Variants in ZBTB20 observed in about 807,000 individuals in gnomAD.
ZBTB20 encodes the protein zinc finger and BTB domain-containing protein 20.
Under a neutral mutation model 56.9 loss-of-function variants are expected in ZBTB20, and 9 were observed. The observed-to-expected ratio is 0.16, with a 90% CI of 0.10 to 0.28. The LOEUF (loss-of-function observed/expected upper bound fraction) is 0.28. ZBTB20 is among the 10% of genes least tolerant of loss of function. The pLI is 1.00. For synonymous variants in ZBTB20, 417 were observed against 420.7 expected (o/e 0.99, Z 0.11); for missense variants, 655 against 1,003.0 (o/e 0.65, Z 4.69).
At chr3:114,569,039 G>A (rs2053119871) in intron 6 of ZBTB20, among the ~76,000 whole-genome samples, 1 of 152,134 alleles carries the variant, frequency 6.6e-6, no homozygotes, top group Non-Finnish European at 1.5e-5. Flanking sequence ...AGTTATAACA[G>A]GTATTTGTTC....
chr3:114,580,597 G>T (rs1049239219), intron 6 of ZBTB20, among the ~76,000 whole-genome samples: 1 of 151,698 alleles, frequency 6.6e-6, no homozygotes, highest in Admixed American at 6.6e-5. Flanking sequence ...AAACTTAAGA[G>T]AATTTACCAG....
intron 5 of ZBTB20, among the ~76,000 whole-genome samples, chr3:114,696,118 T>C (rs2062996121): frequency 6.6e-6 from 1 of 152,102 alleles, no homozygotes; most frequent in Admixed American, 6.6e-5. Context: ...GATCACCCAG[T>C]TGTTAAAACA....
chr3:114,701,285 T>C (rs929873401), intron 5 of ZBTB20, among the ~76,000 whole-genome samples: 8 of 152,230 alleles, frequency 5.3e-5, no homozygotes, highest in Admixed American at 1.3e-4. Flanking sequence ...GAATTTCTGA[T>C]GGTTTCCTTA....
At chr3:115,009,866 G>C (rs569614782) in intron 2 of ZBTB20, among the ~76,000 whole-genome samples, 1 of 151,820 alleles carries the variant, frequency 6.6e-6, no homozygotes, top group Admixed American at 6.6e-5. Flanking sequence ...TCACAGCCTC[G>C]AGAACAGTGA....
At position 114,322,341 on chromosome 3, in the gene ZBTB20, G is replaced by A. The variant is rs547376072; in HGVS notation, c.*16664C>T. 5 of 152,268 alleles carry A rather than the reference G, an allele frequency of 3.3e-5. No homozygotes were observed. The East Asian group carries it at 9.6e-4, about 29-fold the overall frequency. 9.4% of individuals were successfully genotyped at this position (152,268 alleles called of 1,614,324 possible). A position where few individuals can be genotyped will look rare whatever the true frequency, so the allele number is the denominator to read the frequency against. ...AATCCAAAGTCATAAAGATAGTTCAGTACGTCCTCTGATGACAAGGTCTCC... is the reference window on the plus strand; with the variant it reads ...AATCCAAAGTCATAAAGATAGTTCAATACGTCCTCTGATGACAAGGTCTCC... On this transcript the variant is annotated 3_prime_UTR_variant, in exon 12 of 12. Coordinates refer to ENST00000675478, the MANE Select transcript of ZBTB20 (RefSeq NM_001348800.3).
intron 2 of ZBTB20, among the ~76,000 whole-genome samples, chr3:115,070,054 T>C (rs1216634469): frequency 6.6e-6 from 1 of 152,114 alleles, no homozygotes; most frequent in Non-Finnish European, 1.5e-5. Context: ...AAGTTTCATG[T>C]TTTCCTTCTT....
In ZBTB20 at chr3:114,472,838, A is replaced by T. The variant is rs185471741; in HGVS notation, c.-255+27514T>A. Reference sequence around the variant, plus strand: ...AAGCTGAGGCAATGCTGTAATAACAAGAGCTATGTGAAAGGTAAAGTATGA... The same window carrying T: ...AAGCTGAGGCAATGCTGTAATAACATGAGCTATGTGAAAGGTAAAGTATGA... On this transcript the variant is annotated intron_variant, in intron 7 of 11. Transcript: ENST00000675478. 1.9e-3 allele frequency among the ~76,000 whole-genome samples: 294 copies of T among 152,336 alleles called. 1 individual carries two copies. The highest frequency in any genetic ancestry group is 2.1e-3 in the Non-Finnish European group (142 of 68,030).
intron 3 of ZBTB20, among the ~76,000 whole-genome samples, chr3:114,910,632 T>C (rs1234552912): frequency 2.6e-5 from 4 of 152,074 alleles, no homozygotes; most frequent in Non-Finnish European, 5.9e-5. Flanking sequence ...ATATATTATT[T>C]AATCTGTATA....
chr3:114,618,238 C>CTTTTTTTTTTTTT (rs111549198), intron 6 of ZBTB20, among the ~76,000 whole-genome samples: 1 of 119,288 alleles, frequency 8.4e-6, no homozygotes, highest in Non-Finnish European at 1.7e-5. Flanking sequence ...TGTTTCTTTC[C>CTTTTTTTTTTTTT]TTTTTTTTTT....
chr3:114,549,930 C>G (rs1258439287), intron 6 of ZBTB20, among the ~76,000 whole-genome samples: 1 of 151,812 alleles, frequency 6.6e-6, no homozygotes. Context: ...TTTTCTACTT[C>G]TATATAACTT....
At chr3:114,618,238 C>CTTTTT (rs111549198) in intron 6 of ZBTB20, among the ~76,000 whole-genome samples, 1 of 119,290 alleles carries the variant, frequency 8.4e-6, no homozygotes, top group Non-Finnish European at 1.7e-5. Flanking sequence ...TGTTTCTTTC[C>CTTTTT]TTTTTTTTTT....
intron 3 of ZBTB20, among the ~76,000 whole-genome samples, chr3:114,958,288 T>C (rs1225080726): frequency 1.3e-5 from 2 of 152,272 alleles, no homozygotes; most frequent in Admixed American, 1.3e-4. Context: ...TATTTTGTAA[T>C]ATTTTTTCTT....
chr3:114,565,578 A>C (rs1187086453), intron 6 of ZBTB20, among the ~76,000 whole-genome samples: 1 of 152,164 alleles, frequency 6.6e-6, no homozygotes, highest in Non-Finnish European at 1.5e-5. Flanking sequence ...GCATACGTTT[A>C]GGGTGCTTTG....
intron 3 of ZBTB20, among the ~76,000 whole-genome samples, chr3:114,958,914 T>C (rs987587858): frequency 1.3e-5 from 2 of 151,064 alleles, no homozygotes; most frequent in African/African-American, 2.4e-5. Context: ...TCAGGAGAAA[T>C]AGCTAGAATT....
intron 5 of ZBTB20, chr3:114,791,694 T>G (rs1205002376): frequency 6.6e-6 from 1 of 152,190 alleles, no homozygotes; most frequent in Non-Finnish European, 1.5e-5. Context: ...TAGCAAAGGT[T>G]AGGCAAATTT....
At chr3:114,663,446 A>G (rs1465010409) in intron 6 of ZBTB20, among the ~76,000 whole-genome samples, 2 of 148,476 alleles carry the variant, frequency 1.3e-5, no homozygotes, top group Non-Finnish European at 3.0e-5. Context: ...GCCAAAATGT[A>G]AAGACCATCG....
In ZBTB20 at chr3:115,083,629, T is replaced by A. The variant is rs147910442; in HGVS notation, c.-702-12215A>T. On this transcript the variant is annotated intron_variant, in intron 1 of 11. Coordinates refer to ENST00000675478, the MANE Select transcript of ZBTB20 (RefSeq NM_001348800.3). ...ATTCAGCCATTCAGCACAATTCATG[T>A]TAAGTTGATTTAAGCAGTTAAGCTA... Among the ~76,000 whole-genome samples, 130 of 152,132 alleles carry A rather than the reference T, an allele frequency of 8.5e-4. 1 individual carries two copies. Among genetic ancestry groups the A allele is most frequent in the African/African-American group, 2.9e-3 (121 of 41,554 alleles).
intron 5 of ZBTB20, among the ~76,000 whole-genome samples, chr3:114,793,069 A>T (rs929230552): frequency 1.2e-4 from 18 of 151,548 alleles, no homozygotes; most frequent in African/African-American, 3.9e-4. Context: ...TAGTAGAGAC[A>T]GAGTTTCACC....
At chr3:114,960,657 A>G (rs55872789) in intron 3 of ZBTB20, among the ~76,000 whole-genome samples, 6,596 of 152,306 alleles carry the variant, frequency 0.043, 493 homozygotes, top group African/African-American at 0.15. Context: ...GTCCCTAAAC[A>G]AGAACCTTAA....
Sources: gnomAD v4.1 joint callset for allele counts (sites outside exome capture counted in the v4.1 genomes callset) on GRCh38, gnomAD v4.1.1 for gene constraint, MANE v1.5 for transcripts, NCBI Gene and HGNC (gene_info 2026-07-23, HGNC 2026-07-21) for gene names.